DELE1: variants seen among roughly 807,000 people sequenced by gnomAD.
The protein encoded by DELE1 is DAP3 binding cell death enhancer 1, also known as death ligand signal enhancer.
Under a neutral mutation model 59.3 loss-of-function variants are expected in DELE1, and 54 were observed. The ratio of observed to expected loss-of-function variants is 0.91; its 90% CI spans 0.73 to 1.14. DELE1 has a LOEUF of 1.14. Among genes scored for constraint, DELE1 ranks in the 50% most tolerant of loss-of-function variants. DELE1 has a pLI of 0.00. For synonymous variants in DELE1, 264 were observed against 259.1 expected, an observed-to-expected ratio of 1.02 and a Z score of -0.18; for missense variants, 636 against 643.9, an observed-to-expected ratio of 0.99 and a Z score of 0.13.
chr5:141,937,368 A>G lies in DELE1; in HGVS notation c.1309+11A>G, dbSNP rs1302219837. 1 of 1,613,534 alleles carries G rather than the reference A, an allele frequency of 6.2e-7. No homozygotes were observed. On this transcript the variant is annotated intron_variant, in intron 11 of 11. Transcript: ENST00000432126. ...CCATGGGGGCTGCAGGTACAGACCC[A>G]AGTCCAAGCCAACAGGTTCATTCCC...
Position 141,939,581 on chromosome 5 carries a change from A to T in DELE1, c.*822A>T. The T allele has an allele frequency of 1.0e-6, 1 of 985,830 alleles. No individual in the cohort carries two copies. The highest frequency in any genetic ancestry group is 1.2e-6 in the Non-Finnish European group (1 of 829,938). The allele number at this position is 985,830 out of a possible 1,614,324, so 61.1% of individuals were successfully genotyped here. A position where few individuals can be genotyped will look rare whatever the true frequency, so the allele number is the denominator to read the frequency against. ...CTTCTCACCTCAGCCCTAAAGAGGGAGCCTGTGGGTTCTCAGAGAGATATC... is the reference window on the plus strand; with the variant it reads ...CTTCTCACCTCAGCCCTAAAGAGGGTGCCTGTGGGTTCTCAGAGAGATATC... On this transcript the variant is annotated 3_prime_UTR_variant, in exon 12 of 12. Transcript: ENST00000432126.
intron 11 of DELE1, among the ~76,000 whole-genome samples, chr5:141,938,255 A>G (rs1308874891): frequency 6.6e-6 from 1 of 152,218 alleles, no homozygotes; most frequent in African/African-American, 2.4e-5. Context: ...ATGAAATGAG[A>G]TGACACTAAG....
In DELE1 at chr5:141,928,185, G is replaced by A. The variant is rs774866208; in HGVS notation, c.299G>A (p.Arg100Lys). Residue 100 changes from arginine to lysine, a missense_variant, in exon 4 of 12, where the codon AGG (arginine) becomes AAG (lysine). By Grantham distance (26) the Arg-to-Lys change is conservative (BLOSUM62 2). Coordinates refer to ENST00000432126, the MANE Select transcript of DELE1 (RefSeq NM_014773.5). ...TLAVLALQLA[R>K]QIHFQASLPA... Reference sequence around the variant, plus strand: ...GCCGTGCTGGCCCTGCAGCTGGCAAGGCAGATCCACTTCCAGGCATCCCTG... The same window carrying A: ...GCCGTGCTGGCCCTGCAGCTGGCAAAGCAGATCCACTTCCAGGCATCCCTG... 1.9e-6 allele frequency: 3 copies of A among 1,614,184 alleles called. No individual in the cohort carries two copies. The highest frequency in any genetic ancestry group is 4.5e-5 in the East Asian group (2 of 44,890).
At chr5:141,932,347 C>T (rs1280323820) in intron 7 of DELE1, among the ~76,000 whole-genome samples, 1 of 152,202 alleles carries the variant, frequency 6.6e-6, no homozygotes, top group Non-Finnish European at 1.5e-5. Context: ...TGCTGTATTA[C>T]CGCTCCCAAT....
rs1254458498 is a variant in DELE1 at position 141,934,321 on chromosome 5, C to T, written c.979C>T (p.Pro327Ser). 3 of 1,614,196 alleles carry T rather than the reference C, an allele frequency of 1.9e-6. No homozygotes were observed. Among genetic ancestry groups the T allele is most frequent in the Non-Finnish European group, 2.5e-6 (3 of 1,180,044 alleles). ...YRYARCLLRD[P>S]ASSWNPERQR... ...CTATGCCAGGTGCCTACTACGAGAC[C>T]CAGCCTCTTCGTGGAACCCTGAGCG... The change falls in exon 9 of 12, where the codon CCA becomes TCA. Residue 327 changes from proline (P) to serine (S), a missense_variant. Pro to Ser is a moderately conservative substitution (Grantham distance 74, BLOSUM62 -1). Transcript: ENST00000432126.
chr5:141,931,899 C>T (rs1206494931), intron 7 of DELE1, among the ~76,000 whole-genome samples: 4 of 152,114 alleles, frequency 2.6e-5, no homozygotes, highest in East Asian at 1.9e-4. Context: ...ATTCAGCAAG[C>T]GCTTGGCATG....
intron 1 of DELE1, among the ~76,000 whole-genome samples, chr5:141,924,261 T>C (rs191400678): frequency 2.7e-4 from 41 of 151,972 alleles, no homozygotes; most frequent in African/African-American, 9.7e-4. Context: ...GCCAATGGAG[T>C]AGGCATAGCC....
In DELE1 at chr5:141,940,092, T is replaced by C. The variant is rs1202815530; in HGVS notation, c.*1333T>C. The C allele has an allele frequency of 1.0e-6, 1 of 985,198 alleles. No homozygotes were observed. Among genetic ancestry groups the C allele is most frequent in the Non-Finnish European group, 1.2e-6 (1 of 829,900 alleles). 61.0% of individuals were successfully genotyped at this position (985,198 alleles called of 1,614,324 possible). A position where few individuals can be genotyped will look rare whatever the true frequency, so the allele number is the denominator to read the frequency against. ...GAGAGTATAGATTTTGAGGTCCCCA[T>C]TTGGGAAACATGTGCCAGAAATGTC... On this transcript the variant is annotated 3_prime_UTR_variant, in exon 12 of 12. Transcript: ENST00000432126.
At chr5:141,927,340 C>T (rs1751503971) in intron 3 of DELE1, among the ~76,000 whole-genome samples, 1 of 152,114 alleles carries the variant, frequency 6.6e-6, no homozygotes, top group Non-Finnish European at 1.5e-5. Context: ...GTTGGGATTA[C>T]AGGTGTGCCC....
chr5:141,939,070 C>T lies in DELE1; in HGVS notation c.*311C>T. 3 of 1,107,528 alleles carry T rather than the reference C, an allele frequency of 2.7e-6. No homozygotes were observed. Among genetic ancestry groups the T allele is most frequent in the Non-Finnish European group, 3.3e-6 (3 of 907,072 alleles). 68.6% of individuals were successfully genotyped at this position (1,107,528 alleles called of 1,614,324 possible). On this transcript the variant is annotated 3_prime_UTR_variant, in exon 12 of 12. Coordinates refer to ENST00000432126, the MANE Select transcript of DELE1 (RefSeq NM_014773.5). Reference sequence around the variant, plus strand: ...GCTCACCTTAGCCTTTGTCTTTGAGCAAATAACTTACCTTCTTCCTTCTTA... The same window carrying T: ...GCTCACCTTAGCCTTTGTCTTTGAGTAAATAACTTACCTTCTTCCTTCTTA...
intron 3 of DELE1, among the ~76,000 whole-genome samples, chr5:141,925,793 A>T (rs963475467): frequency 4.6e-5 from 7 of 152,364 alleles, no homozygotes; most frequent in African/African-American, 1.7e-4. Context: ...AGCAGAGAAC[A>T]AGATAGATAC....
Position 141,939,300 on chromosome 5 carries a change from A to T in DELE1, c.*541A>T. 1.4e-6 allele frequency: 1 copy of T among 718,028 alleles called. No individual in the cohort carries two copies. Among genetic ancestry groups the T allele is most frequent in the Non-Finnish European group, 1.7e-6 (1 of 586,164 alleles). 44.5% of individuals were successfully genotyped at this position (718,028 alleles called of 1,614,324 possible). A position where few individuals can be genotyped will look rare whatever the true frequency, so the allele number is the denominator to read the frequency against. On this transcript the variant is annotated 3_prime_UTR_variant, in exon 12 of 12. Coordinates refer to ENST00000432126, the MANE Select transcript of DELE1 (RefSeq NM_014773.5). The stretch of plus-strand genomic sequence containing the variant: ...TGTCTAGGATAAAGCTAACTGTAAA[A>T]AAAAATAGTGAATCAGTTTAAAGAA...
chr5:141,926,103 C>T (rs1034373302), intron 3 of DELE1, among the ~76,000 whole-genome samples: 2 of 152,164 alleles, frequency 1.3e-5, no homozygotes, highest in African/African-American at 4.8e-5. Flanking sequence ...TGGTCTCGAA[C>T]TCCTGATCTC....
chr5:141,939,296 TA>T lies in DELE1; in HGVS notation c.*546del, dbSNP rs112748511. The T allele has an allele frequency of 0.016, 10,587 of 651,722 alleles. 688 individuals are homozygous for T. The African/African-American group carries it at 0.16, about 10-fold the overall frequency. The allele number at this position is 651,722 out of a possible 1,614,324, so 40.4% of individuals were successfully genotyped here. A position where few individuals can be genotyped will look rare whatever the true frequency, so the allele number is the denominator to read the frequency against. On this transcript the variant is annotated 3_prime_UTR_variant, in exon 12 of 12. Coordinates refer to ENST00000432126, the MANE Select transcript of DELE1 (RefSeq NM_014773.5). ...GTTCTGTCTAGGATAAAGCTAACTG[TA>T]AAAAAAAATAGTGAATCAGTTTAAA...
In DELE1 at chr5:141,940,633, C is replaced by T. The variant is rs954921741; in HGVS notation, c.*1874C>T. The T allele has an allele frequency of 3.0e-6, 3 of 985,980 alleles. No individual in the cohort carries two copies. The African/African-American group carries it at 5.2e-5, about 17-fold the overall frequency. The allele number at this position is 985,980 out of a possible 1,614,324, so 61.1% of individuals were successfully genotyped here. On this transcript the variant is annotated 3_prime_UTR_variant, in exon 12 of 12. Transcript: ENST00000432126. ...GGGGAGCCCAAGCGTCCTCTAGCTC[C>T]ATCTCCTCGCCTGCTCCCTGCCTCC...
Position 141,928,187 on chromosome 5 carries a change from C to T in DELE1, c.301C>T (p.Gln101Ter), listed in dbSNP as rs767594743. Reference protein sequence around the residue: ...LAVLALQLARQIHFQASLPAG... With the variant: ...LAVLALQLAR ...CGTGCTGGCCCTGCAGCTGGCAAGG[C>T]AGATCCACTTCCAGGCATCCCTGCC... is the stretch of plus-strand genomic sequence containing the variant. The change falls in exon 4 of 12, where the codon CAG (glutamine) becomes TAG (stop). Residue 101 changes from glutamine (Q) to a stop codon, truncating the protein, a stop_gained. Transcript: ENST00000432126. LOFTEE classifies it high-confidence loss of function. 1 of 1,614,166 alleles carries T rather than the reference C, an allele frequency of 6.2e-7. No homozygotes were observed. The highest frequency in any genetic ancestry group is 8.5e-7 in the Non-Finnish European group (1 of 1,180,000).
At position 141,934,375 on chromosome 5, in the gene DELE1, G is replaced by C; in HGVS notation, c.1033G>C (p.Ala345Pro). The change falls in exon 9 of 12, where the codon GCT becomes CCT. Residue 345 changes from alanine (A) to proline (P), a missense_variant. Transcript: ENST00000432126. ...RQRAVSLLKQ[A>P]ADSGLREAQA... ...GAGGGCAGTGTCCTTGCTGAAGCAG[G>C]CTGCAGACTCAGGCTTGAGAGAGGT... 6.2e-7 allele frequency: 1 copy of C among 1,614,232 alleles called. No homozygotes were observed. The highest frequency in any genetic ancestry group is 1.1e-5 in the South Asian group (1 of 91,082).
At chr5:141,932,239 T>C (rs1751969600) in intron 7 of DELE1, among the ~76,000 whole-genome samples, 1 of 152,182 alleles carries the variant, frequency 6.6e-6, no homozygotes, top group African/African-American at 2.4e-5. Context: ...GAGTTGAGAA[T>C]TGGCCGTGCC....
chr5:141,933,094 CAAA>C (rs56720043), intron 7 of DELE1, among the ~76,000 whole-genome samples, 162 bp from the exon 8 acceptor site: 4,122 of 100,784 alleles, frequency 0.041, 75 homozygotes, highest in Middle Eastern at 0.062. Flanking sequence ...GACTCCATCT[CAAA>C]AAAAAAAAAA....
Sources: allele counts gnomAD v4.1 joint callset (sites outside exome capture counted in the v4.1 genomes callset), GRCh38; gene constraint gnomAD v4.1.1; transcripts MANE v1.5; gene names NCBI Gene and HGNC (gene_info 2026-07-23, HGNC 2026-07-21).